Variants in ZNF793 observed in about 807,000 individuals in gnomAD.
The protein encoded by ZNF793 is zinc finger protein 793.
Under a neutral mutation model 12.4 loss-of-function variants are expected in ZNF793, and 5 were observed. The ratio of observed to expected loss-of-function variants is 0.40; its 90% CI spans 0.21 to 0.84. The LOEUF is 0.84. ZNF793 is among the 40% of genes least tolerant of loss of function. ZNF793 has a pLI of 0.35. For synonymous variants in ZNF793, 162 were observed against 172.4 expected (o/e 0.94, Z 0.47); for missense variants, 456 against 495.0 (o/e 0.92, Z 0.75).
At chr19:37,528,485 G>C (rs2042433613) in intron 5 of ZNF793, among the ~76,000 whole-genome samples, 1 of 151,926 alleles carries the variant, frequency 6.6e-6, no homozygotes, top group South Asian at 2.1e-4. Context: ...AGACCACTAG[G>C]TAAACAAGGA....
intron 2 of ZNF793, among the ~76,000 whole-genome samples, chr19:37,512,432 T>C (rs2042301258): frequency 6.6e-6 from 1 of 152,016 alleles, no homozygotes; most frequent in Non-Finnish European, 1.5e-5. Context: ...GGAGAATCAC[T>C]TGAACCAGGG....
In ZNF793 at chr19:37,537,640, G is replaced by A; in HGVS notation, c.982G>A (p.Val328Ile). The A allele has an allele frequency of 1.2e-6, 2 of 1,613,750 alleles. No individual in the cohort carries two copies. Among genetic ancestry groups the A allele is most frequent in the Non-Finnish European group, 1.7e-6 (2 of 1,179,802 alleles). ...KSFGEKSYLN[V>I]HRKMHTGERP... ...GTTTGGTGAGAAGTCATACCTCAAT[G>A]TACATCGAAAAATGCACACAGGAGA... The change falls in exon 8 of 8, where the codon GTA (valine) becomes ATA (isoleucine). Residue 328 changes from valine to isoleucine, a missense_variant. Val to Ile is a conservative substitution (Grantham distance 29). Coordinates refer to ENST00000627814, the MANE Select transcript of ZNF793 (RefSeq NM_001013659.3).
intron 2 of ZNF793, among the ~76,000 whole-genome samples, chr19:37,508,870 C>A (rs2042271997): frequency 6.6e-6 from 1 of 152,092 alleles, no homozygotes; most frequent in African/African-American, 2.4e-5. Context: ...TTCTGAGAAA[C>A]TTTTTGCCTT....
In ZNF793 at chr19:37,542,521, G is replaced by A. The variant is rs2042558661; in HGVS notation, c.*4642G>A. On this transcript the variant is annotated 3_prime_UTR_variant, in exon 8 of 8. Coordinates refer to ENST00000627814, the MANE Select transcript of ZNF793 (RefSeq NM_001013659.3). ...GAACATGTGAACATGGACATTTATTGTAAAAATTGTTCTTAATGGCAAAAA... is the reference window on the plus strand; with the variant it reads ...GAACATGTGAACATGGACATTTATTATAAAAATTGTTCTTAATGGCAAAAA... 8.4e-6 allele frequency: 3 copies of A among 358,558 alleles called. No individual in the cohort carries two copies. The highest frequency in any genetic ancestry group is 6.6e-5 in the South Asian group (3 of 45,648). 22.2% of individuals were successfully genotyped at this position (358,558 alleles called of 1,614,324 possible). A position where few individuals can be genotyped will look rare whatever the true frequency, so the allele number is the denominator to read the frequency against.
Position 37,537,085 on chromosome 19 carries a change from GGAAA to G in ZNF793, c.431_434del (p.Lys144IlefsTer2), listed in dbSNP as rs1157146746. 6 of 1,613,614 alleles carry G rather than the reference GGAAA, an allele frequency of 3.7e-6. No individual in the cohort carries two copies. The highest frequency in any genetic ancestry group is 5.1e-6 in the Non-Finnish European group (6 of 1,179,716). ...GAGCCCTAGTAACTGGAACCCTTGTGGAAAGAATTTGAACCATAATTTAGACTTG... is the reference window on the plus strand; with the variant it reads ...GAGCCCTAGTAACTGGAACCCTTGTGGAATTTGAACCATAATTTAGACTTG... On this transcript the variant is annotated frameshift_variant, in exon 8 of 8. Transcript: ENST00000627814. LOFTEE classifies it low-confidence loss of function (END_TRUNC).
Position 37,530,873 on chromosome 19 carries a change from C to T in ZNF793, c.16-1483C>T, listed in dbSNP as rs557441145. Among the ~76,000 whole-genome samples the T allele has an allele frequency of 1.7e-3, 260 of 152,242 alleles. 2 individuals carry two copies. The highest frequency in any genetic ancestry group is 3.9e-3 in the South Asian group (19 of 4,826). On this transcript the variant is annotated intron_variant, in intron 5 of 7. Transcript: ENST00000627814. ...GTCTGTTTTCTGTTTATCCCGTCTA[C>T]TCTTTTGTTCCTCTATTTCTTCTTT...
At chr19:37,518,025 T>C (rs565244984) in intron 2 of ZNF793, among the ~76,000 whole-genome samples, 1 of 152,316 alleles carries the variant, frequency 6.6e-6, no homozygotes, top group Admixed American at 6.5e-5. Flanking sequence ...ATTTTAAAAA[T>C]AGAATTATGC....
intron 2 of ZNF793, among the ~76,000 whole-genome samples, chr19:37,517,113 A>G (rs536827275): frequency 1.3e-5 from 2 of 152,320 alleles, no homozygotes; most frequent in Admixed American, 6.5e-5. Flanking sequence ...TTTATCTGCC[A>G]CACTTGGCTC....
chr19:37,517,760 G>GT (rs577325672), intron 2 of ZNF793, among the ~76,000 whole-genome samples: 39 of 149,384 alleles, frequency 2.6e-4, no homozygotes, highest in South Asian at 1.3e-3. Flanking sequence ...TACAAGCTAG[G>GT]TTTTTTTTTT....
chr19:37,508,350 G>C lies in ZNF793; in HGVS notation c.-329G>C, dbSNP rs2042266809. On this transcript the variant is annotated 5_prime_UTR_variant, in exon 2 of 8. Transcript: ENST00000627814. ...GTTTCTGGAAATCCATTCTGACTCT[G>C]TGACAGCGGGGATGGATGTGACCTT... 2 of 152,160 alleles carry C rather than the reference G, an allele frequency of 1.3e-5. No individual in the cohort carries two copies. Among genetic ancestry groups the C allele is most frequent in the Non-Finnish European group, 2.9e-5 (2 of 68,032 alleles). 9.4% of individuals were successfully genotyped at this position (152,160 alleles called of 1,614,324 possible). A position where few individuals can be genotyped will look rare whatever the true frequency, so the allele number is the denominator to read the frequency against.
rs1365154402 is a variant in ZNF793 at position 37,537,207 on chromosome 19, T to C, written c.549T>C (p.Asn183=). The change falls in exon 8 of 8, where the codon AAT becomes AAC. Residue 183 remains asparagine, a synonymous_variant. Transcript: ENST00000627814. Reference sequence around the variant, plus strand: ...GTATAAATCATGGTAGACGACCTAATGGAGAAAAGCCCCGGGGTTGCAGTC... The same window carrying C: ...GTATAAATCATGGTAGACGACCTAACGGAGAAAAGCCCCGGGGTTGCAGTC... ...LQRINHGRRP[N]GEKPRGCSHC... is the part of the protein sequence containing the mutation. The C allele has an allele frequency of 6.2e-7, 1 of 1,613,918 alleles. No individual in the cohort carries two copies. Among genetic ancestry groups the C allele is most frequent in the South Asian group, 1.1e-5 (1 of 91,066 alleles).
rs1170974901 is a variant in ZNF793, at chr19:37,541,311, A to G, written c.*3432A>G. The G allele has an allele frequency of 3.9e-5, 6 of 152,238 alleles. No homozygotes were observed. The highest frequency in any genetic ancestry group is 5.9e-5 in the Non-Finnish European group (4 of 68,046). The allele number at this position is 152,238 out of a possible 1,614,324, so 9.4% of individuals were successfully genotyped here. On this transcript the variant is annotated 3_prime_UTR_variant, in exon 8 of 8. Transcript: ENST00000627814. ...AGAATTCTTAAAAGAAAATCAAAGG[A>G]GCCTATGTGTACAATCTAGGAGTTG... is the stretch of plus-strand genomic sequence containing the variant.
intron 7 of ZNF793, chr19:37,536,175 T>A (rs1349401067): frequency 6.1e-6 from 2 of 328,078 alleles, no homozygotes; most frequent in African/African-American, 2.1e-5. Flanking sequence ...GTTGATTTTA[T>A]TTTTTAATCT....
intron 5 of ZNF793, among the ~76,000 whole-genome samples, chr19:37,530,603 T>G (rs1359641862): frequency 6.6e-6 from 1 of 152,116 alleles, no homozygotes; most frequent in Admixed American, 6.6e-5. Context: ...TAACCCTGAG[T>G]TGACCCAGCA....
rs1039579353 is a variant in ZNF793, at chr19:37,539,006, T to C, written c.*1127T>C. On this transcript the variant is annotated 3_prime_UTR_variant, in exon 8 of 8. Coordinates refer to ENST00000627814, the MANE Select transcript of ZNF793 (RefSeq NM_001013659.3). ...GTTAAAAGAACTTTATTATACCAGC[T>C]ACATTTTTCCACCTTTTTGTAATAC... 4 of 152,242 alleles carry C rather than the reference T, an allele frequency of 2.6e-5. No homozygotes were observed. Among genetic ancestry groups the C allele is most frequent in the Non-Finnish European group, 5.9e-5 (4 of 68,038 alleles). The allele number at this position is 152,242 out of a possible 1,614,324, so 9.4% of individuals were successfully genotyped here. A position where few individuals can be genotyped will look rare whatever the true frequency, so the allele number is the denominator to read the frequency against.
At position 37,539,131 on chromosome 19, in the gene ZNF793, G is replaced by T. The variant is rs1302959628; in HGVS notation, c.*1252G>T. The stretch of plus-strand genomic sequence containing the variant: ...ATTTGGCCAAAAATTTTACTAAAAT[G>T]TAGTTATTTATATTAAAAATGCAAG... On this transcript the variant is annotated 3_prime_UTR_variant, in exon 8 of 8. Transcript: ENST00000627814. The T allele has an allele frequency of 1.3e-5, 2 of 152,164 alleles. No individual in the cohort carries two copies. Among genetic ancestry groups the T allele is most frequent in the African/African-American group, 4.8e-5 (2 of 41,434 alleles). 9.4% of individuals were successfully genotyped at this position (152,164 alleles called of 1,614,324 possible).
In ZNF793 at chr19:37,523,554, G is replaced by A. The variant is rs560370290; in HGVS notation, c.15+100G>A. 3.4e-6 allele frequency: 4 copies of A among 1,187,750 alleles called. No individual in the cohort carries two copies. The East Asian group carries it at 7.1e-5, about 21-fold the overall frequency. The allele number at this position is 1,187,750 out of a possible 1,614,324, so 73.6% of individuals were successfully genotyped here. A position where few individuals can be genotyped will look rare whatever the true frequency, so the allele number is the denominator to read the frequency against. ...TAAGTATGTACAGTTTGTACATACA[G>A]GCTGGGTTCTCAGGGAAGCTGACTC... On this transcript the variant is annotated intron_variant, in intron 5 of 7. Transcript: ENST00000627814.
At chr19:37,531,248 C>G (rs1311106443) in intron 5 of ZNF793, 1 of 152,074 alleles carries the variant, frequency 6.6e-6, no homozygotes, top group Non-Finnish European at 1.5e-5. Context: ...CTCACTGCAA[C>G]CTCTGCCTCC....
chr19:37,528,472 C>T (rs1490762531), intron 5 of ZNF793, among the ~76,000 whole-genome samples: 1 of 151,782 alleles, frequency 6.6e-6, no homozygotes, highest in Non-Finnish European at 1.5e-5. Context: ...CTAGTGTGGC[C>T]CAAGACCACT....
Sources: gnomAD v4.1 joint callset for allele counts (sites outside exome capture counted in the v4.1 genomes callset) on GRCh38, gnomAD v4.1.1 for gene constraint, MANE v1.5 for transcripts, NCBI Gene and HGNC (gene_info 2026-07-23, HGNC 2026-07-21) for gene names.